Variants in CDH9 observed in about 807,000 individuals in gnomAD.
CDH9 encodes the protein cadherin-9.
CDH9 carries 28 observed loss-of-function variants against 70.9 expected under a neutral mutation model. The ratio of observed to expected loss-of-function variants is 0.40; its 90% CI spans 0.29 to 0.54. CDH9 has a LOEUF of 0.54. Ranked by LOEUF, CDH9 falls within the 20% of genes least tolerant of loss-of-function variation. The pLI is 0.59. For synonymous variants in CDH9, 409 were observed against 343.1 expected (o/e 1.19, Z -2.12); for missense variants, 874 against 984.4 (o/e 0.89, Z 1.50).
intron 3 of CDH9, 121 bp from the exon 4 acceptor site, chr5:26,906,959 A>C (rs1740959983): frequency 8.5e-6 from 11 of 1,293,656 alleles, no homozygotes; most frequent in Non-Finnish European, 9.9e-6. Context: ...GTTTGAAGAA[A>C]TTTATTTAAA....
chr5:26,924,726 C>T (rs752406873), intron 2 of CDH9, among the ~76,000 whole-genome samples: 29 of 151,984 alleles, frequency 1.9e-4, no homozygotes, highest in Middle Eastern at 3.4e-3. Context: ...AGACAGGCCC[C>T]GGTGTGTGAT....
intron 11 of CDH9, among the ~76,000 whole-genome samples, chr5:26,881,959 C>T (rs1295773429): frequency 6.6e-6 from 1 of 152,188 alleles, no homozygotes; most frequent in Non-Finnish European, 1.5e-5. Flanking sequence ...AATACAAAAA[C>T]ACTAAAGCTC....
intron 2 of CDH9, among the ~76,000 whole-genome samples, chr5:26,971,371 T>C (rs1034205653): frequency 5.9e-5 from 9 of 152,308 alleles, no homozygotes; most frequent in African/African-American, 2.2e-4. Flanking sequence ...GAGTGCTAAC[T>C]ACAGAAATGT....
In CDH9 at chr5:26,886,039, T is replaced by C; in HGVS notation, c.1557A>G (p.Arg519=). ...VSVMDKDDPP[R]GHKFFFEPVP... ...CTGGTTCAAAAAAGAATTTGTGACC[T>C]CGGGGAGGGTCATCCTTATCCATGA... The change falls in exon 10 of 12, where the codon CGA becomes CGG. Residue 519 remains arginine (R), a synonymous_variant. Transcript: ENST00000231021. The C allele has an allele frequency of 6.2e-7, 1 of 1,611,506 alleles. No homozygotes were observed.
At chr5:26,949,053 C>G (rs1401131107) in intron 2 of CDH9, among the ~76,000 whole-genome samples, 2 of 152,052 alleles carry the variant, frequency 1.3e-5, no homozygotes, top group Non-Finnish European at 2.9e-5. Flanking sequence ...TGTCTTATAC[C>G]TAGTACTGAT....
At chr5:26,888,833 T>G (rs62346382) in intron 9 of CDH9, among the ~76,000 whole-genome samples, 110 of 152,302 alleles carry the variant, frequency 7.2e-4, no homozygotes, top group Non-Finnish European at 1.4e-3. Context: ...ATATGGCTTT[T>G]CCTTGGCCCA....
rs756076082 is a variant in CDH9 at position 26,988,283 on chromosome 5, A to G, written c.51T>C (p.His17=). The G allele has an allele frequency of 1.2e-6, 2 of 1,613,342 alleles. No homozygotes were observed. Among genetic ancestry groups the G allele is most frequent in the South Asian group, 2.2e-5 (2 of 91,068 alleles). ...IPLFIWTYMF[H]TVDTILLQEK... The stretch of plus-strand genomic sequence containing the variant: ...CTTGTAATAGGATGGTGTCAACTGT[A>G]TGGAACATATAGGTCCAGATGAATA... Residue 17 remains histidine, a synonymous_variant, in exon 2 of 12, where the codon CAT becomes CAC. Transcript: ENST00000231021.
intron 2 of CDH9, among the ~76,000 whole-genome samples, chr5:26,952,041 C>T (rs1022005972): frequency 7.0e-6 from 1 of 143,360 alleles, no homozygotes; most frequent in Non-Finnish European, 1.5e-5. Context: ...AGTGCAGTGG[C>T]GCGATGTTGG....
At chr5:26,952,560 G>C (rs769592380) in intron 2 of CDH9, among the ~76,000 whole-genome samples, 2 of 141,284 alleles carry the variant, frequency 1.4e-5, no homozygotes, top group Non-Finnish European at 3.1e-5. Context: ...GTATGAACCC[G>C]GGAGGCAGAG....
chr5:26,904,981 A>G (rs1400421971), intron 5 of CDH9, among the ~76,000 whole-genome samples: 1 of 152,102 alleles, frequency 6.6e-6, no homozygotes, highest in Non-Finnish European at 1.5e-5. Context: ...GAATGCAAAG[A>G]TTAAGTTTAT....
Position 26,881,116 on chromosome 5 carries a change from GATT to G in CDH9, c.*17_*19del, listed in dbSNP as rs1561180161. ...CATAGACAGTACTTCCACTAATATT[GATT>G]AAGTCAAACAATCCTCTTAGTCTCG... On this transcript the variant is annotated 3_prime_UTR_variant, in exon 12 of 12. Transcript: ENST00000231021. The G allele has an allele frequency of 6.4e-7, 1 of 1,573,950 alleles. No homozygotes were observed. Among genetic ancestry groups the G allele is most frequent in the Non-Finnish European group, 8.6e-7 (1 of 1,160,268 alleles).
chr5:26,985,542 G>A (rs371987909), intron 2 of CDH9, among the ~76,000 whole-genome samples: 1 of 151,900 alleles, frequency 6.6e-6, no homozygotes, highest in East Asian at 1.9e-4. Context: ...TCAAACCCTC[G>A]TTTTAACCTT....
intron 2 of CDH9, among the ~76,000 whole-genome samples, chr5:26,948,485 A>G (rs6888925): frequency 0.13 from 19,063 of 152,232 alleles, 3,990 homozygotes; most frequent in African/African-American, 0.44. Context: ...CACAGCCTCT[A>G]CTGCTAACTC....
At chr5:27,014,370 T>C (rs996239409) in intron 1 of CDH9, among the ~76,000 whole-genome samples, 1 of 151,824 alleles carries the variant, frequency 6.6e-6, no homozygotes, top group African/African-American at 2.4e-5. Context: ...CTGCAGGAAG[T>C]TAATGCACCG....
At chr5:26,955,572 ATCTCTCTC>A (rs10541203) in intron 2 of CDH9, among the ~76,000 whole-genome samples, 3,579 of 144,286 alleles carry the variant, frequency 0.025, 156 homozygotes, top group African/African-American at 0.086. Flanking sequence ...TTGTGGCAGT[ATCTCTCTC>A]TCTCTCTCTC....
At chr5:26,912,597 A>G (rs1741073098) in intron 3 of CDH9, among the ~76,000 whole-genome samples, 1 of 151,864 alleles carries the variant, frequency 6.6e-6, no homozygotes, top group East Asian at 1.9e-4. Context: ...AATTTAAATG[A>G]GAAGGACATT....
At position 26,883,074 on chromosome 5, in the gene CDH9, T is replaced by G. The variant is rs1431729800; in HGVS notation, c.1883-1451A>C. Among the ~76,000 whole-genome samples the G allele has an allele frequency of 8.7e-4, 113 of 129,376 alleles. 5 individuals carry two copies. Among genetic ancestry groups the G allele is most frequent in the African/African-American group, 1.1e-3 (37 of 34,606 alleles). The allele number at this position is 129,376 out of a possible 152,430, so 84.9% of individuals were successfully genotyped here. The stretch of plus-strand genomic sequence containing the variant: ...ATATATATATATATATATATATATA[T>G]ATATATATATATATATATATAAAAC... On this transcript the variant is annotated intron_variant, in intron 11 of 11. Transcript: ENST00000231021.
At chr5:27,036,542 G>GA (rs1447816932) in intron 1 of CDH9, among the ~76,000 whole-genome samples, 3 of 151,758 alleles carry the variant, frequency 2.0e-5, no homozygotes, top group Non-Finnish European at 4.4e-5. Context: ...TGTAATAAAA[G>GA]AAAAATAATA....
At chr5:26,941,688 T>C (rs928401434) in intron 2 of CDH9, among the ~76,000 whole-genome samples, 1 of 152,194 alleles carries the variant, frequency 6.6e-6, no homozygotes, top group African/African-American at 2.4e-5. Flanking sequence ...TGTTGTGTGC[T>C]TGGGTAGTGA....
Sources: allele counts gnomAD v4.1 joint callset (sites outside exome capture counted in the v4.1 genomes callset), GRCh38; gene constraint gnomAD v4.1.1; transcripts MANE v1.5; gene names NCBI Gene and HGNC (gene_info 2026-07-23, HGNC 2026-07-21).